The following SUZ12 variants were observed in gnomAD, a reference collection of about 807,000 sequenced individuals.
SUZ12 encodes the protein SUZ12 polycomb repressive complex 2 subunit.
In SUZ12, 17 loss-of-function variants were observed where a neutral mutation model predicts 87.3. That is an observed-to-expected ratio of 0.19 (90% CI 0.13 to 0.29). SUZ12 has a LOEUF of 0.29. Among genes scored for constraint, SUZ12 ranks in the 10% least tolerant of loss-of-function variants. The probability of loss-of-function intolerance (pLI) is 1.00; values close to 1 mark genes in which losing one functional copy is unlikely to be tolerated. For missense variants in SUZ12, 526 were observed against 912.2 expected, an observed-to-expected ratio of 0.58 and a Z score of 5.45; for synonymous variants, 253 against 312.4, an observed-to-expected ratio of 0.81 and a Z score of 2.01.
At chr17:31,950,982 G>A (rs1217855242) in intron 4 of SUZ12, among the ~76,000 whole-genome samples, 61 of 151,870 alleles carry the variant, frequency 4.0e-4, no homozygotes, top group African/African-American at 1.4e-3. Context: ...GGGTTTCACC[G>A]TGTTAGCCAG....
chr17:31,937,017 C>T lies in SUZ12; in HGVS notation c.-230C>T, dbSNP rs1905956611. The T allele has an allele frequency of 2.6e-6, 1 of 387,340 alleles. No homozygotes were observed. Among genetic ancestry groups the T allele is most frequent in the Middle Eastern group, 6.6e-4 (1 of 1,522 alleles). 24.0% of individuals were successfully genotyped at this position (387,340 alleles called of 1,614,324 possible). On this transcript the variant is annotated 5_prime_UTR_variant, in exon 1 of 16. Transcript: ENST00000322652. The stretch of plus-strand genomic sequence containing the variant: ...GCGGGGGAAGTGGGCGGAGCGAGGC[C>T]AGGGTAGGGTGAGCGGCCTCCGAAG...
chr17:31,977,273 CTTTTTTTTT>C (rs762777458), intron 8 of SUZ12, among the ~76,000 whole-genome samples: 1 of 117,340 alleles, frequency 8.5e-6, no homozygotes, highest in Non-Finnish European at 1.8e-5. Flanking sequence ...GAGATCCCAT[CTTTTTTTTT>C]TTTTTTTTTT....
chr17:31,963,537 G>A (rs1229362247), intron 4 of SUZ12, among the ~76,000 whole-genome samples: 5 of 151,678 alleles, frequency 3.3e-5, no homozygotes, highest in East Asian at 3.9e-4. Flanking sequence ...TCACTCTGTC[G>A]CCCATGCTGG....
chr17:31,968,412 T>G (rs1224604772), intron 5 of SUZ12, among the ~76,000 whole-genome samples: 1 of 152,066 alleles, frequency 6.6e-6, no homozygotes, highest in African/African-American at 2.4e-5. Flanking sequence ...AAATTTTTTT[T>G]GTTAAGATGG....
chr17:31,947,995 A>G (rs1283071351), intron 4 of SUZ12, among the ~76,000 whole-genome samples: 1 of 152,114 alleles, frequency 6.6e-6, no homozygotes, highest in Non-Finnish European at 1.5e-5. Context: ...CCTCATTTAA[A>G]GAGGGATACT....
At chr17:31,996,691 TGTATAAA>T in intron 14 of SUZ12, 100 bp from the exon 15 acceptor site, 1 of 660,094 alleles carries the variant, frequency 1.5e-6, no homozygotes, top group Non-Finnish European at 2.5e-6. Context: ...GCCACTTTGC[TGTATAAA>T]TATGTTGTAT....
At chr17:31,994,512 A>T (rs1351380574) in intron 12 of SUZ12, 52 bp from the exon 13 acceptor site, 5 of 1,422,260 alleles carry the variant, frequency 3.5e-6, no homozygotes, top group Non-Finnish European at 4.6e-6. Context: ...AATTGGAGGG[A>T]TATTTAGGAT....
chr17:31,960,060 G>A (rs182218249), intron 4 of SUZ12, among the ~76,000 whole-genome samples: 3 of 152,110 alleles, frequency 2.0e-5, no homozygotes, highest in Admixed American at 1.3e-4. Flanking sequence ...TTTTCCTCCC[G>A]TTCATCTGGT....
At chr17:31,957,895 CTTTTTTTT>C (rs1181314058) in intron 4 of SUZ12, among the ~76,000 whole-genome samples, 5 of 91,330 alleles carry the variant, frequency 5.5e-5, no homozygotes, top group South Asian at 4.4e-4. Context: ...ACCTTTTGTC[CTTTTTTTT>C]TTTTTTTTTT....
chr17:31,975,501 G>A lies in SUZ12; in HGVS notation c.611G>A (p.Arg204Lys), dbSNP rs1406908260. ...TTGCAGGATGTAAGTTGTCCAATAA[G>A]GCAAGTTCCCACAGGTAAAAAGCAG... ...KKRKDVSCPI[R>K]QVPTGKKQVP... The change falls in exon 7 of 16, where the codon AGG becomes AAG. Residue 204 changes from arginine to lysine, a missense_variant. Transcript: ENST00000322652. 6.2e-7 allele frequency: 1 copy of A among 1,613,344 alleles called. No homozygotes were observed. The highest frequency in any genetic ancestry group is 8.5e-7 in the Non-Finnish European group (1 of 1,179,640).
Position 31,937,343 on chromosome 17 carries a change from G to GCGGCGA in SUZ12, c.102_107dup (p.Thr35_Ala36dup). 11 of 1,482,168 alleles carry GCGGCGA rather than the reference G, an allele frequency of 7.4e-6. No homozygotes were observed. Among genetic ancestry groups the GCGGCGA allele is most frequent in the Non-Finnish European group, 8.9e-6 (10 of 1,121,038 alleles). The allele number at this position is 1,482,168 out of a possible 1,614,324, so 91.8% of individuals were successfully genotyped here. ...CTTCGGGGGTTCGGCGGCGGTGGCG[G>GCGGCGA]CGGCGACGGCTTCGGGCGGCAAATC... is the stretch of plus-strand genomic sequence containing the variant. On this transcript the variant is annotated inframe_insertion, in exon 1 of 16. Transcript: ENST00000322652.
At position 31,988,491 on chromosome 17, in the gene SUZ12, A is replaced by T. The variant is rs769003714; in HGVS notation, c.1195A>T (p.Thr399Ser). Residue 399 changes from threonine to serine, a missense_variant, in exon 10 of 16, where the codon ACT (threonine) becomes TCT (serine). Physicochemically the swap from Thr to Ser is moderately conservative, Grantham distance 58. Coordinates refer to ENST00000322652, the MANE Select transcript of SUZ12 (RefSeq NM_015355.4). ...GCCTGGTTCAGTTAAACCTACTCAA[A>T]CTATTGGTAAGAAAACATTGCAATC... The part of the protein sequence containing the change: ...NKPGSVKPTQ[T>S]IAVKESLTTD... 2 of 1,594,826 alleles carry T rather than the reference A, an allele frequency of 1.3e-6. No homozygotes were observed. Among genetic ancestry groups the T allele is most frequent in the East Asian group, 4.5e-5 (2 of 44,720 alleles).
chr17:31,980,597 C>T (rs560601), intron 8 of SUZ12, among the ~76,000 whole-genome samples: 58 of 151,742 alleles, frequency 3.8e-4, no homozygotes, highest in African/African-American at 1.4e-3. Context: ...TTAAGGCATG[C>T]GCCACCATGC....
At chr17:31,952,328 G>A (rs1036686487) in intron 4 of SUZ12, among the ~76,000 whole-genome samples, 4 of 152,114 alleles carry the variant, frequency 2.6e-5, no homozygotes, top group African/African-American at 7.2e-5. Context: ...CCAAAGTTCC[G>A]GGATTACAGG....
At chr17:31,960,758 T>C (rs1907660522) in intron 4 of SUZ12, among the ~76,000 whole-genome samples, 1 of 152,048 alleles carries the variant, frequency 6.6e-6, no homozygotes, top group Non-Finnish European at 1.5e-5. Context: ...TTTGTATTTT[T>C]AGTAGAGACA....
chr17:31,985,662 T>G (rs1464413847), intron 9 of SUZ12, among the ~76,000 whole-genome samples: 2 of 151,914 alleles, frequency 1.3e-5, no homozygotes, highest in African/African-American at 4.8e-5. Context: ...TTTGTTTTTT[T>G]TTTGTTTGTT....
At chr17:31,953,313 A>G (rs372136320) in intron 4 of SUZ12, among the ~76,000 whole-genome samples, 4 of 151,706 alleles carry the variant, frequency 2.6e-5, no homozygotes, top group East Asian at 2.0e-4. Flanking sequence ...GGTTTCACCT[A>G]TTGGCCAGGC....
rs2142159993 is a variant in SUZ12 at position 31,964,930 on chromosome 17, C to T, written c.456-1217C>T. 3.9e-5 allele frequency among the ~76,000 whole-genome samples: 6 copies of T among 152,026 alleles called. No homozygotes were observed. The Middle Eastern group carries it at 0.017, about 431-fold the overall frequency. On this transcript the variant is annotated intron_variant, in intron 4 of 15. Coordinates refer to ENST00000322652, the MANE Select transcript of SUZ12 (RefSeq NM_015355.4). ...TCGGGAGGCGGAGGTTGTAGTGAGC[C>T]AAGATTGCGCCATTGCACTCCAACC...
chr17:31,949,110 C>G (rs1436647415), intron 4 of SUZ12, among the ~76,000 whole-genome samples: 1 of 152,136 alleles, frequency 6.6e-6, no homozygotes, highest in Non-Finnish European at 1.5e-5. Context: ...CTGGACCCTT[C>G]TCTTCATCTT....
Sources: gnomAD v4.1 joint callset for allele counts (sites outside exome capture counted in the v4.1 genomes callset) on GRCh38, gnomAD v4.1.1 for gene constraint, MANE v1.5 for transcripts, NCBI Gene and HGNC (gene_info 2026-07-23, HGNC 2026-07-21) for gene names.